Variants in NALF2 observed in about 807,000 individuals in gnomAD.
NALF2 encodes the protein bB57D9.1 (TED protein).
In NALF2, 1 loss-of-function variant was observed where a neutral mutation model predicts 24.8. That is an observed-to-expected ratio of 0.04 (90% confidence interval 0.01 to 0.19). The LOEUF (loss-of-function observed/expected upper bound fraction) is 0.19, where lower values mean the gene tolerates loss of function less well. Among genes scored for constraint, NALF2 ranks in the 10% least tolerant of loss-of-function variants. The pLI is 1.00. For missense variants in NALF2, 458 were observed against 409.6 expected, an observed-to-expected ratio of 1.12 and a Z score of -1.02; for synonymous variants, 254 against 189.8, an observed-to-expected ratio of 1.34 and a Z score of -2.78.
Position 69,505,787 on chromosome X carries a change from C to T in NALF2, c.505C>T (p.Pro169Ser), listed in dbSNP as rs200504139. The T allele has an allele frequency of 5.0e-6, 6 of 1,211,342 alleles. No individual in the cohort carries two copies. Among genetic ancestry groups the T allele is most frequent in the Non-Finnish European group, 6.7e-6 (6 of 894,979 alleles). ...TACTCCGGCCCCCCCTCTGCGGCCC[C>T]CTGACTCCCTTTCCCGTGCCCCGGC... ...PTTPAPPLRPPDSLSRAPAEF... is the reference protein window; with the variant it reads ...PTTPAPPLRPSDSLSRAPAEF... Residue 169 changes from proline to serine, a missense_variant, in exon 1 of 3, where the codon CCT becomes TCT. Transcript: ENST00000252338.
intron 1 of NALF2, among the ~76,000 whole-genome samples, chrX:69,518,175 C>G (rs180915576): frequency 1.4e-4 from 16 of 111,485 alleles, no homozygotes; most frequent in Non-Finnish European, 2.6e-4. Context: ...GATAAATTTA[C>G]CATGGTCCAG....
In NALF2 at chrX:69,530,759, G is replaced by A. The variant is rs1482349283; in HGVS notation, c.*803G>A. ...CGAGAACTGCTCCCCAAATCAGTGA[G>A]AATTGCATTAGGAGCCCTCTGGGGA... is the stretch of plus-strand genomic sequence containing the variant. On this transcript the variant is annotated 3_prime_UTR_variant, in exon 3 of 3. Transcript: ENST00000252338. The A allele has an allele frequency of 8.9e-6, 1 of 112,665 alleles. No homozygotes were observed. Among genetic ancestry groups the A allele is most frequent in the African/African-American group, 3.2e-5 (1 of 30,876 alleles). 9.3% of individuals were successfully genotyped at this position (112,665 alleles called of 1,213,427 possible).
rs1378944098 is a variant in NALF2, at chrX:69,505,128, G to C, written c.-155G>C. On this transcript the variant is annotated 5_prime_UTR_variant, in exon 1 of 3. Coordinates refer to ENST00000252338, the MANE Select transcript of NALF2 (RefSeq NM_015686.3). ...AGCGCCCCGCGACTCCGGCCTGAGC[G>C]GGGCATCGCGCCGGCCGGCCTGCCT... 3.5e-5 allele frequency: 14 copies of C among 401,798 alleles called. No individual in the cohort carries two copies. Among genetic ancestry groups the C allele is most frequent in the Non-Finnish European group, 5.0e-5 (13 of 260,119 alleles). 33.1% of individuals were successfully genotyped at this position (401,798 alleles called of 1,213,427 possible). A position where few individuals can be genotyped will look rare whatever the true frequency, so the allele number is the denominator to read the frequency against.
chrX:69,509,028 TCAGGCCA>T (rs1930540042), intron 1 of NALF2, among the ~76,000 whole-genome samples: 1 of 112,455 alleles, frequency 8.9e-6, no homozygotes, highest in African/African-American at 3.2e-5. Flanking sequence ...TGCCCCCGTT[TCAGGCCA>T]CACAGGGCCC....
rs1008288321 is a variant in NALF2 at position 69,531,607 on chromosome X, G to A, written c.*1651G>A. ...CTGCGTGAGAGTGAAACCAAGAAGC[G>A]GATGGGGAAGGGAGAGCTGGCCTTG... On this transcript the variant is annotated 3_prime_UTR_variant, in exon 3 of 3. Coordinates refer to ENST00000252338, the MANE Select transcript of NALF2 (RefSeq NM_015686.3). 7.1e-5 allele frequency: 8 copies of A among 112,410 alleles called. No homozygotes were observed. The highest frequency in any genetic ancestry group is 2.0e-4 in the African/African-American group (6 of 30,732). The allele number at this position is 112,410 out of a possible 1,213,427, so 9.3% of individuals were successfully genotyped here.
intron 1 of NALF2, among the ~76,000 whole-genome samples, chrX:69,510,044 C>G (rs1405632117): frequency 8.9e-6 from 1 of 112,305 alleles, no homozygotes; most frequent in Non-Finnish European, 1.9e-5. Flanking sequence ...AAGGAACAGA[C>G]TGCCTTAGGA....
Position 69,529,831 on chromosome X carries a change from C to T in NALF2, c.1294C>T (p.Arg432Trp), listed in dbSNP as rs367802100. 4.1e-6 allele frequency: 5 copies of T among 1,209,841 alleles called. No individual in the cohort carries two copies. The highest frequency in any genetic ancestry group is 4.5e-6 in the Non-Finnish European group (4 of 894,978). The change falls in exon 3 of 3, where the codon CGG becomes TGG. Residue 432 changes from arginine to tryptophan, a missense_variant. Physicochemically the swap from Arg to Trp is moderately radical, Grantham distance 101. Coordinates refer to ENST00000252338, the MANE Select transcript of NALF2 (RefSeq NM_015686.3). ...CTCCCGCCTCAGCCCTAGCAGGATC[C>T]GGCTCTGCGTCCTTGTTCTCATGCT... ...GGSRLSPSRI[R>W]LCVLVLMLLH...
In NALF2 at chrX:69,506,074, C is replaced by T. The variant is rs1261598459; in HGVS notation, c.792C>T (p.Phe264=). Residue 264 remains phenylalanine (F), a synonymous_variant, in exon 1 of 3, where the codon TTC becomes TTT. Coordinates refer to ENST00000252338, the MANE Select transcript of NALF2 (RefSeq NM_015686.3). ...DRHAQEKYDE[F]DLVLHKYLQA... ...ACGCTCAGGAAAAATATGACGAGTT[C>T]GACCTCGTGCTGCATAAATACTTAC... The T allele has an allele frequency of 8.3e-7, 1 of 1,209,111 alleles. No individual in the cohort carries two copies. Among genetic ancestry groups the T allele is most frequent in the Non-Finnish European group, 1.1e-6 (1 of 894,006 alleles).
chrX:69,519,717 C>A (rs1296685979), intron 1 of NALF2, among the ~76,000 whole-genome samples: 1 of 112,302 alleles, frequency 8.9e-6, no homozygotes, highest in African/African-American at 3.2e-5. Flanking sequence ...TGTGAACAAC[C>A]AGGCTAACAG....
In NALF2 at chrX:69,505,992, C is replaced by T. The variant is rs1261085061; in HGVS notation, c.710C>T (p.Ser237Phe). 2 of 1,210,004 alleles carry T rather than the reference C, an allele frequency of 1.7e-6. No individual in the cohort carries two copies. The highest frequency in any genetic ancestry group is 2.2e-6 in the Non-Finnish European group (2 of 895,120). ...CTGGCCGTGGTGGCCAGCCCGGGCT[C>T]CGGGGCCTGGGAGGCGTGTAGCAAC... ...DLLAVVASPGSGAWEACSNCI... is the reference protein window; with the variant it reads ...DLLAVVASPGFGAWEACSNCI... Residue 237 changes from serine to phenylalanine, a missense_variant, in exon 1 of 3, where the codon TCC (serine) becomes TTC (phenylalanine). Ser to Phe is a radical substitution (Grantham distance 155). Coordinates refer to ENST00000252338, the MANE Select transcript of NALF2 (RefSeq NM_015686.3).
At chrX:69,520,897 C>G (rs1930723768) in intron 1 of NALF2, among the ~76,000 whole-genome samples, 1 of 111,690 alleles carries the variant, frequency 9.0e-6, no homozygotes, top group Non-Finnish European at 1.9e-5. Flanking sequence ...CACAACCTCT[C>G]ACTCAGACTG....
chrX:69,521,648 A>C (rs1266189454), intron 1 of NALF2, among the ~76,000 whole-genome samples: 2 of 112,462 alleles, frequency 1.8e-5, no homozygotes, highest in Non-Finnish European at 1.9e-5. Context: ...AATTCATTGA[A>C]TACTGTACTA....
chrX:69,506,410 T>G (rs1274602465), intron 1 of NALF2, among the ~76,000 whole-genome samples: 10 of 111,758 alleles, frequency 8.9e-5, no homozygotes, highest in African/African-American at 2.3e-4. Flanking sequence ...CCCTCATGAG[T>G]GGGGAGGGGC....
intron 1 of NALF2, among the ~76,000 whole-genome samples, chrX:69,528,004 T>C (rs188825438): frequency 1.8e-4 from 20 of 110,811 alleles, no homozygotes; most frequent in African/African-American, 5.9e-4. Context: ...TGTTGTTTTT[T>C]TTTTTGGTTT....
At chrX:69,507,857 A>G (rs1930518174) in intron 1 of NALF2, among the ~76,000 whole-genome samples, 1 of 110,696 alleles carries the variant, frequency 9.0e-6, no homozygotes, top group Non-Finnish European at 1.9e-5. Flanking sequence ...TTTTTTCCTC[A>G]ATCACCAGTA....
chrX:69,516,820 TGAG>T (rs1324363158), intron 1 of NALF2, among the ~76,000 whole-genome samples: 6 of 111,224 alleles, frequency 5.4e-5, no homozygotes, highest in Non-Finnish European at 1.1e-4. Context: ...GTGTGTGTGT[TGAG>T]GAGAGAGAGA....
intron 1 of NALF2, among the ~76,000 whole-genome samples, chrX:69,519,243 C>G (rs1173594694): frequency 9.0e-6 from 1 of 111,656 alleles, no homozygotes; most frequent in Non-Finnish European, 1.9e-5. Flanking sequence ...ATTATTTTCA[C>G]TTTTTTCCTT....
chrX:69,510,458 G>A (rs907067888), intron 1 of NALF2, among the ~76,000 whole-genome samples: 2 of 112,530 alleles, frequency 1.8e-5, no homozygotes, highest in African/African-American at 6.5e-5. Context: ...TGGGTATGAG[G>A]GGTGCTGAGA....
rs943766591 is a variant in NALF2, at chrX:69,530,442, C to T, written c.*486C>T. On this transcript the variant is annotated 3_prime_UTR_variant, in exon 3 of 3. Transcript: ENST00000252338. ...AGGCGACGGCAGACAGTGCAATGGC[C>T]CTCCTGCCACTTCAGCACACCTTGC... 1.2e-4 allele frequency: 14 copies of T among 116,481 alleles called. No homozygotes were observed. Among genetic ancestry groups the T allele is most frequent in the Admixed American group, 5.4e-4 (6 of 11,168 alleles). The allele number at this position is 116,481 out of a possible 1,213,427, so 9.6% of individuals were successfully genotyped here. A position where few individuals can be genotyped will look rare whatever the true frequency, so the allele number is the denominator to read the frequency against.
Sources: gnomAD v4.1 joint callset for allele counts (sites outside exome capture counted in the v4.1 genomes callset) on GRCh38, gnomAD v4.1.1 for gene constraint, MANE v1.5 for transcripts, NCBI Gene and HGNC (gene_info 2026-07-23, HGNC 2026-07-21) for gene names.